The following LRRTM4 variants were observed in gnomAD, a reference collection of about 807,000 sequenced individuals.
LRRTM4 encodes leucine rich repeat transmembrane neuronal 4.
Under a neutral mutation model 47.6 loss-of-function variants are expected in LRRTM4, and 25 were observed. The observed-to-expected ratio is 0.53, with a 90% CI of 0.38 to 0.73. The LOEUF (loss-of-function observed/expected upper bound fraction) is 0.73. LRRTM4 is among the 30% of genes least tolerant of loss of function. The pLI is 0.00. For synonymous variants in LRRTM4, 311 were observed against 269.5 expected (o/e 1.15, Z -1.51); for missense variants, 638 against 713.4 (o/e 0.89, Z 1.20).
rs1174239332 is a variant in LRRTM4, at chr2:77,521,679, C to T, written c.-8G>A. ...AAAAGTTCACTTACCCATCCTTTGT[C>T]ATCCAAAAACGTTTCCCCCCTCTCT... On this transcript the variant is annotated 5_prime_UTR_variant, in exon 2 of 4. The change abolishes an upstream ATG in the 5' untranslated region. Transcript: ENST00000409884. 1.2e-6 allele frequency: 2 copies of T among 1,611,916 alleles called. No homozygotes were observed. The highest frequency in any genetic ancestry group is 1.3e-5 in the African/African-American group (1 of 74,562).
intron 3 of LRRTM4, among the ~76,000 whole-genome samples, chr2:76,839,995 C>G (rs1423133780): frequency 6.6e-6 from 1 of 152,054 alleles, no homozygotes; most frequent in Non-Finnish European, 1.5e-5. Context: ...GCCCTGAAGA[C>G]ACAATGATGA....
At chr2:77,342,404 T>C (rs1671405366) in intron 3 of LRRTM4, among the ~76,000 whole-genome samples, 1 of 151,896 alleles carries the variant, frequency 6.6e-6, no homozygotes, top group Non-Finnish European at 1.5e-5. Flanking sequence ...AGACAGCTTC[T>C]ACAACAAATA....
intron 3 of LRRTM4, among the ~76,000 whole-genome samples, chr2:77,170,443 T>C (rs1489627656): frequency 1.3e-5 from 2 of 152,138 alleles, no homozygotes; most frequent in African/African-American, 4.8e-5. Context: ...GATTTTCCCA[T>C]AGAGTCCCCA....
intron 3 of LRRTM4, among the ~76,000 whole-genome samples, chr2:76,935,655 G>T (rs1352498175): frequency 6.6e-6 from 1 of 151,922 alleles, no homozygotes; most frequent in Non-Finnish European, 1.5e-5. Flanking sequence ...CTCTGTTATT[G>T]GTGTATAGGA....
intron 3 of LRRTM4, among the ~76,000 whole-genome samples, chr2:76,753,767 T>C (rs575208632): frequency 5.9e-5 from 9 of 152,104 alleles, no homozygotes; most frequent in Non-Finnish European, 1.3e-4. Flanking sequence ...GAAATGAACA[T>C]GTCTGTATAG....
chr2:76,981,687 C>G (rs1676613790), intron 3 of LRRTM4, among the ~76,000 whole-genome samples: 4 of 151,826 alleles, frequency 2.6e-5, no homozygotes, highest in African/African-American at 9.7e-5. Flanking sequence ...GAGAAGGAGT[C>G]TCGTTATTTT....
chr2:76,834,282 C>T (rs933990257), intron 3 of LRRTM4, among the ~76,000 whole-genome samples: 1 of 151,488 alleles, frequency 6.6e-6, no homozygotes, highest in Non-Finnish European at 1.5e-5. Context: ...AACTCCTGAC[C>T]TCAGGTGATC....
At chr2:76,839,882 G>T (rs1231028185) in intron 3 of LRRTM4, among the ~76,000 whole-genome samples, 1 of 151,974 alleles carries the variant, frequency 6.6e-6, no homozygotes, top group African/African-American at 2.4e-5. Flanking sequence ...ATAAAGGCCA[G>T]TGTCTTATTG....
intron 3 of LRRTM4, among the ~76,000 whole-genome samples, chr2:77,036,095 C>A (rs1433287772): frequency 6.6e-6 from 1 of 151,762 alleles, no homozygotes; most frequent in Non-Finnish European, 1.5e-5. Flanking sequence ...TATGCATATG[C>A]ATGAGTAGTA....
At chr2:77,307,196 G>A (rs543514823) in intron 3 of LRRTM4, among the ~76,000 whole-genome samples, 19 of 151,948 alleles carry the variant, frequency 1.3e-4, no homozygotes, top group African/African-American at 3.4e-4. Context: ...CACCGCGCCC[G>A]GCCCCCATAT....
intron 3 of LRRTM4, among the ~76,000 whole-genome samples, chr2:77,080,790 C>T (rs1171789341): frequency 6.6e-6 from 1 of 152,106 alleles, no homozygotes; most frequent in Admixed American, 6.5e-5. Flanking sequence ...CATCTCTTGC[C>T]CTCAAGGTAC....
At chr2:76,911,093 C>T (rs1346744012) in intron 3 of LRRTM4, among the ~76,000 whole-genome samples, 1 of 152,082 alleles carries the variant, frequency 6.6e-6, no homozygotes, top group East Asian at 1.9e-4. Context: ...TAATATGAAA[C>T]AGAAATATCT....
chr2:77,061,666 T>C (rs529239125), intron 3 of LRRTM4, among the ~76,000 whole-genome samples: 2 of 152,176 alleles, frequency 1.3e-5, no homozygotes, highest in Non-Finnish European at 2.9e-5. Flanking sequence ...TATACATATA[T>C]ATGTATCAAA....
intron 3 of LRRTM4, among the ~76,000 whole-genome samples, chr2:77,074,297 G>A (rs1170230861): frequency 6.6e-6 from 1 of 151,982 alleles, no homozygotes; most frequent in Non-Finnish European, 1.5e-5. Flanking sequence ...CTGTGTTCTT[G>A]GGCATTTGTA....
At chr2:76,750,904 T>A (rs1672828498) in intron 3 of LRRTM4, among the ~76,000 whole-genome samples, 1 of 152,194 alleles carries the variant, frequency 6.6e-6, no homozygotes, top group East Asian at 1.9e-4. Flanking sequence ...ATGTTTTCTA[T>A]GCGCAAATGC....
At chr2:77,081,213 A>G (rs908285213) in intron 3 of LRRTM4, among the ~76,000 whole-genome samples, 53 of 150,420 alleles carry the variant, frequency 3.5e-4, no homozygotes, top group African/African-American at 1.1e-3. Context: ...TCTGTTCCCT[A>G]AAGTATTCCC....
intron 3 of LRRTM4, among the ~76,000 whole-genome samples, chr2:77,477,576 C>T (rs147379261): frequency 0.011 from 1,612 of 152,116 alleles, 14 homozygotes; most frequent in Non-Finnish European, 0.018. Context: ...GGCACAGTGG[C>T]TCACGCCTGT....
intron 3 of LRRTM4, among the ~76,000 whole-genome samples, chr2:76,903,225 A>G (rs978733201): frequency 6.6e-6 from 1 of 151,854 alleles, no homozygotes; most frequent in African/African-American, 2.4e-5. Flanking sequence ...ACAAATAAAA[A>G]TAAAAAAAGA....
chr2:76,782,291 G>A (rs1558649377), intron 3 of LRRTM4, among the ~76,000 whole-genome samples: 3 of 152,044 alleles, frequency 2.0e-5, no homozygotes, highest in Non-Finnish European at 2.9e-5. Context: ...GAAATGTCAG[G>A]CAACTACAGC....
Sources: allele counts gnomAD v4.1 joint callset (sites outside exome capture counted in the v4.1 genomes callset), GRCh38; gene constraint gnomAD v4.1.1; transcripts MANE v1.5; gene names NCBI Gene and HGNC (gene_info 2026-07-23, HGNC 2026-07-21).